ARID1B: variants seen among roughly 807,000 people sequenced by gnomAD.
ARID1B encodes AT-rich interactive domain-containing protein 1B.
Under a neutral mutation model 212.3 loss-of-function variants are expected in ARID1B, and 30 were observed. The ratio of observed to expected loss-of-function variants is 0.14; its 90% CI spans 0.11 to 0.19. The LOEUF (loss-of-function observed/expected upper bound fraction) is 0.19, where lower values mean the gene tolerates loss of function less well. Among genes scored for constraint, ARID1B ranks in the 10% least tolerant of loss-of-function variants. ARID1B has a pLI of 1.00. For missense variants in ARID1B, 2,891 were observed against 3,204.0 expected, an observed-to-expected ratio of 0.90 and a Z score of 2.36; for synonymous variants, 1,402 against 1,301.7, an observed-to-expected ratio of 1.08 and a Z score of -1.66.
chr6:156,790,537 G>A (rs1385403732), intron 1 of ARID1B, among the ~76,000 whole-genome samples: 2 of 152,188 alleles, frequency 1.3e-5, no homozygotes, highest in Non-Finnish European at 2.9e-5. Flanking sequence ...TGGTAAAATG[G>A]ATCTTTTGCT....
chr6:156,792,300 C>G (rs117096263), intron 1 of ARID1B, among the ~76,000 whole-genome samples: 4,710 of 152,236 alleles, frequency 0.031, 115 homozygotes, highest in Non-Finnish European at 0.044. Flanking sequence ...TGCAGCCCCC[C>G]CTTTTTAAAA....
At position 157,010,621 on chromosome 6, in the gene ARID1B, GT is replaced by G. The variant is rs534997809; in HGVS notation, c.2248-74029del. Among the ~76,000 whole-genome samples, 1,156 of 135,750 alleles carry G rather than the reference GT, an allele frequency of 8.5e-3. 10 individuals are homozygous for G. The highest frequency in any genetic ancestry group is 0.028 in the African/African-American group (1,035 of 37,388). 89.1% of individuals were successfully genotyped at this position (135,750 alleles called of 152,430 possible). On this transcript the variant is annotated intron_variant, in intron 4 of 19. Coordinates refer to ENST00000636930, the MANE Select transcript of ARID1B (RefSeq NM_001374828.1). Reference sequence around the variant, plus strand: ...AGGCGTGAGCCACCATGCCCGGCCTGTTTTTTTTTTTTGCTTTGTTTTGTTT... The same window carrying G: ...AGGCGTGAGCCACCATGCCCGGCCTGTTTTTTTTTTTGCTTTGTTTTGTTT...
intron 1 of ARID1B, among the ~76,000 whole-genome samples, chr6:156,817,232 T>A (rs979257725): frequency 4.6e-5 from 7 of 150,754 alleles, no homozygotes; most frequent in Non-Finnish European, 1.0e-4. Context: ...AAAAAAAAAT[T>A]AGCCAGGCGT....
chr6:157,031,482 C>T (rs1158482225), intron 4 of ARID1B, among the ~76,000 whole-genome samples: 3 of 152,160 alleles, frequency 2.0e-5, no homozygotes, highest in African/African-American at 7.2e-5. Context: ...TAATCAATTT[C>T]TTGTTGATTG....
At position 157,167,070 on chromosome 6, in the gene ARID1B, T is replaced by G; in HGVS notation, c.3120T>G (p.Ser1040Arg). The G allele has an allele frequency of 1.2e-6, 2 of 1,612,458 alleles. No homozygotes were observed. Among genetic ancestry groups the G allele is most frequent in the Non-Finnish European group, 1.7e-6 (2 of 1,180,016 alleles). Reference protein sequence around the residue: ...RQGSFPGMNQSGLMASSSPYS... With the variant: ...RQGSFPGMNQRGLMASSSPYS... ...GCAGTTTCCCCGGCATGAACCAGAG[T>G]GGACTTATGGCTTCCAGCTCTCCCT... Residue 1040 changes from serine to arginine, a missense_variant, in exon 9 of 20, where the codon AGT (serine) becomes AGG (arginine). Ser to Arg is a moderately radical substitution (Grantham distance 110). Transcript: ENST00000636930.
At chr6:156,988,669 C>G (rs1778084939) in intron 4 of ARID1B, among the ~76,000 whole-genome samples, 1 of 152,234 alleles carries the variant, frequency 6.6e-6, no homozygotes, top group Non-Finnish European at 1.5e-5. Context: ...AACTTGCCCA[C>G]TGCAGCATCC....
chr6:156,781,264 C>G (rs981088839), intron 1 of ARID1B, among the ~76,000 whole-genome samples: 1 of 151,754 alleles, frequency 6.6e-6, no homozygotes, highest in Non-Finnish European at 1.5e-5. Context: ...GTGGAGAATA[C>G]AGAAATGCCC....
intron 2 of ARID1B, among the ~76,000 whole-genome samples, chr6:156,845,087 G>GATTC (rs1273275311): frequency 1.5e-3 from 43 of 28,460 alleles, no homozygotes; most frequent in African/African-American, 6.3e-3. Flanking sequence ...CGTAATTTAG[G>GATTC]AGACATCTTC....
At chr6:157,020,962 G>A (rs1413171642) in intron 4 of ARID1B, among the ~76,000 whole-genome samples, 1 of 152,186 alleles carries the variant, frequency 6.6e-6, no homozygotes, top group East Asian at 1.9e-4. Context: ...ATTCGATAAA[G>A]AAATGAGAAA....
At chr6:156,931,209 A>G (rs1791687614) in intron 3 of ARID1B, among the ~76,000 whole-genome samples, 2 of 151,998 alleles carry the variant, frequency 1.3e-5, no homozygotes, top group African/African-American at 2.4e-5. Context: ...AAAAAAAAAA[A>G]AAAAATTCAA....
In ARID1B at chr6:156,778,066, C is replaced by G. The variant is rs2114961014; in HGVS notation, c.386C>G (p.Ala129Gly). ...SSSSSSAAAA[A>G]ASSSSSSGPG... Reference sequence around the variant, plus strand: ...TCCTCCTCCTCCGCGGCGGCAGCGGCGGCATCCTCTTCCTCCTCGTCGGGC... The same window carrying G: ...TCCTCCTCCTCCGCGGCGGCAGCGGGGGCATCCTCTTCCTCCTCGTCGGGC... Residue 129 changes from alanine (A) to glycine (G), a missense_variant, in exon 1 of 20, where the codon GCG (alanine) becomes GGG (glycine). This residue lies in a region of ARID1B where 1,643 missense variants were observed against 1,544.0 expected (regional missense o/e 1.06). Transcript: ENST00000636930. 1 of 1,538,758 alleles carries G rather than the reference C, an allele frequency of 6.5e-7. No homozygotes were observed. Among genetic ancestry groups the G allele is most frequent in the Non-Finnish European group, 8.7e-7 (1 of 1,146,298 alleles).
At chr6:156,932,929 T>C (rs1791868030) in intron 3 of ARID1B, among the ~76,000 whole-genome samples, 1 of 152,256 alleles carries the variant, frequency 6.6e-6, no homozygotes, top group African/African-American at 2.4e-5. Flanking sequence ...AGCTGAAAGC[T>C]TCTTGTGGTT....
chr6:156,985,930 GAACC>G (rs1033427082), intron 4 of ARID1B, among the ~76,000 whole-genome samples: 5 of 152,340 alleles, frequency 3.3e-5, no homozygotes, highest in Admixed American at 3.3e-4. Flanking sequence ...AGCTGAAGCA[GAACC>G]TTTACTGCTT....
chr6:157,024,953 T>C (rs1780567104), intron 4 of ARID1B, among the ~76,000 whole-genome samples: 1 of 152,224 alleles, frequency 6.6e-6, no homozygotes, highest in Non-Finnish European at 1.5e-5. Context: ...GGTTGTGTAA[T>C]AATTTTCATG....
At position 157,206,248 on chromosome 6, in the gene ARID1B, G is replaced by A. The variant is rs770242254; in HGVS notation, c.5476G>A (p.Val1826Met). ...TTTTGGAATTCTTATGGAATATGAA[G>A]TGGGAGACCCCAGCCAAAAAGCACT... Reference protein sequence around the residue: ...DIFGILMEYEVGDPSQKALDH... With the variant: ...DIFGILMEYEMGDPSQKALDH... The change falls in exon 20 of 20, where the codon GTG (valine) becomes ATG (methionine). Residue 1826 changes from valine to methionine, a missense_variant. Val to Met is a conservative substitution (Grantham distance 21). Coordinates refer to ENST00000636930, the MANE Select transcript of ARID1B (RefSeq NM_001374828.1). This position sits in a 1 kb window ranked among gnomAD's most constrained non-coding sequence, Gnocchi z 6.8. 1.9e-6 allele frequency: 3 copies of A among 1,614,208 alleles called. No individual in the cohort carries two copies. Among genetic ancestry groups the A allele is most frequent in the East Asian group, 4.5e-5 (2 of 44,882 alleles).
In ARID1B at chr6:156,863,008, C is replaced by T. The variant is rs183684743; in HGVS notation, c.1986+33587C>T. 3.2e-3 allele frequency among the ~76,000 whole-genome samples: 491 copies of T among 152,262 alleles called. 2 individuals carry two copies. Among genetic ancestry groups the T allele is most frequent in the African/African-American group, 0.011 (466 of 41,536 alleles). ...AATATGGGCCTGCGCCTTAGTTGCACGTGAGATGATCCTGGAGACAGTGCC... is the reference window on the plus strand; with the variant it reads ...AATATGGGCCTGCGCCTTAGTTGCATGTGAGATGATCCTGGAGACAGTGCC... On this transcript the variant is annotated intron_variant, in intron 2 of 19. Transcript: ENST00000636930.
chr6:156,969,495 G>A (rs557200776), intron 4 of ARID1B, among the ~76,000 whole-genome samples: 3 of 152,298 alleles, frequency 2.0e-5, no homozygotes, highest in South Asian at 2.1e-4. Flanking sequence ...CACTGTTTAA[G>A]CTACTGAACA....
intron 4 of ARID1B, among the ~76,000 whole-genome samples, chr6:157,028,868 A>G (rs1780841016): frequency 6.6e-6 from 1 of 152,202 alleles, no homozygotes; most frequent in Non-Finnish European, 1.5e-5. Flanking sequence ...CTTACCATCC[A>G]CTGTGTTGTG....
intron 1 of ARID1B, among the ~76,000 whole-genome samples, chr6:156,793,719 G>A (rs1346659893): frequency 6.6e-6 from 1 of 152,216 alleles, no homozygotes; most frequent in African/African-American, 2.4e-5. Flanking sequence ...CTAGTCAGGA[G>A]TGACTGGCAA....
Sources: gnomAD v4.1 joint callset for allele counts (sites outside exome capture counted in the v4.1 genomes callset) on GRCh38, gnomAD v4.1.1 for gene constraint, gnomAD v4.1.1 regional missense constraint, Gnocchi (gnomAD v3.1) non-coding constraint, MANE v1.5 for transcripts, NCBI Gene and HGNC (gene_info 2026-07-23, HGNC 2026-07-21) for gene names.